Variants in ASTN2 observed in about 807,000 individuals in gnomAD.
ASTN2 encodes astrotactin 2, also known as astrotactin-2.
A neutral mutation model predicts 139.8 loss-of-function variants in ASTN2; 54 were observed. That is an observed-to-expected ratio of 0.39 (90% confidence interval 0.31 to 0.48). The LOEUF is 0.48. Ranked by LOEUF, ASTN2 falls within the 20% of genes least tolerant of loss-of-function variation. The pLI is 0.95. For synonymous variants in ASTN2, 756 were observed against 719.5 expected (o/e 1.05, Z -0.81); for missense variants, 1,565 against 1,725.1 (o/e 0.91, Z 1.64).
intron 19 of ASTN2, among the ~76,000 whole-genome samples, chr9:116,514,062 G>A (rs952222674): frequency 7.2e-5 from 11 of 151,932 alleles, no homozygotes; most frequent in African/African-American, 2.7e-4. Context: ...TTCCTTTGGA[G>A]GTGGAGAGGT....
intron 1 of ASTN2, among the ~76,000 whole-genome samples, chr9:117,319,548 C>A (rs551455831): frequency 7.9e-5 from 12 of 152,108 alleles, no homozygotes; most frequent in Non-Finnish European, 1.3e-4. Context: ...ATGCCTCAGC[C>A]TCCAGAGTAG....
chr9:117,156,876 G>A (rs931137051), intron 3 of ASTN2, among the ~76,000 whole-genome samples: 1 of 151,940 alleles, frequency 6.6e-6, no homozygotes, highest in Admixed American at 6.6e-5. Context: ...ATCTTAATTT[G>A]AAATGTCTTC....
chr9:116,808,277 TTG>T (rs10553571), intron 12 of ASTN2, among the ~76,000 whole-genome samples: 52,872 of 149,446 alleles, frequency 0.35, 9,167 homozygotes, highest in Middle Eastern at 0.53. Context: ...TAAATACATA[TTG>T]TGTGTGTGTG....
chr9:116,488,832 A>G (rs1384997520), intron 19 of ASTN2, among the ~76,000 whole-genome samples: 2 of 152,202 alleles, frequency 1.3e-5, no homozygotes, highest in African/African-American at 4.8e-5. Flanking sequence ...AATTATCTTC[A>G]ATAAACATAT....
At chr9:116,611,039 C>A (rs1855512354) in intron 19 of ASTN2, 1 of 151,922 alleles carries the variant, frequency 6.6e-6, no homozygotes, top group African/African-American at 2.4e-5. Context: ...ACCATCTAGA[C>A]CAAAAACTAG....
intron 19 of ASTN2, among the ~76,000 whole-genome samples, chr9:116,557,164 C>A (rs1685711742): frequency 7.6e-6 from 1 of 130,736 alleles, no homozygotes; most frequent in Non-Finnish European, 1.5e-5. Context: ...GTGGAACTTG[C>A]AGTGAGCTGA....
chr9:116,765,182 G>A (rs942232074), intron 13 of ASTN2, among the ~76,000 whole-genome samples: 5 of 152,242 alleles, frequency 3.3e-5, no homozygotes, highest in South Asian at 2.1e-4. Flanking sequence ...AGCATCATCC[G>A]ATATGGCAGA....
intron 2 of ASTN2, among the ~76,000 whole-genome samples, chr9:117,245,187 G>T (rs545349833): frequency 2.8e-4 from 42 of 152,304 alleles, no homozygotes; most frequent in African/African-American, 9.4e-4. Flanking sequence ...TAAGCTGTCT[G>T]TTCTGAAAGA....
chr9:116,469,602 G>A (rs1277608725), intron 20 of ASTN2, among the ~76,000 whole-genome samples: 1 of 152,122 alleles, frequency 6.6e-6, no homozygotes, highest in Non-Finnish European at 1.5e-5. Context: ...GAACCTTCAT[G>A]AGCCTTCATT....
chr9:116,634,468 T>C (rs1339798015), intron 17 of ASTN2, among the ~76,000 whole-genome samples: 1 of 151,564 alleles, frequency 6.6e-6, no homozygotes, highest in Non-Finnish European at 1.5e-5. Flanking sequence ...CGGGCGCCTG[T>C]AGTCCCAGCT....
rs114858033 is a variant in ASTN2, at chr9:116,619,406, A to G, written c.3206+904T>C. Among the ~76,000 whole-genome samples the G allele has an allele frequency of 7.0e-3, 1,067 of 152,036 alleles. 7 individuals are homozygous for G. Among genetic ancestry groups the G allele is most frequent in the African/African-American group, 0.024 (1,007 of 41,454 alleles). On this transcript the variant is annotated intron_variant, in intron 18 of 22. Coordinates refer to ENST00000313400, the MANE Select transcript of ASTN2 (RefSeq NM_001365068.1). ...ACCACTTGTTGCCTGGCTGGCATCT[A>G]CCCTATAGGTCTCTTCAGAGAGCTT... is the stretch of plus-strand genomic sequence containing the variant.
At chr9:117,030,894 T>A (rs1838228972) in intron 6 of ASTN2, among the ~76,000 whole-genome samples, 1 of 152,176 alleles carries the variant, frequency 6.6e-6, no homozygotes. Context: ...ACCAATTTCA[T>A]TACAGATCTC....
chr9:117,286,354 C>CTT (rs35094114), intron 2 of ASTN2, among the ~76,000 whole-genome samples: 47,469 of 135,684 alleles, frequency 0.35, 10,490 homozygotes, highest in East Asian at 0.56. Context: ...TTCCCACTTT[C>CTT]TTTTTTTTTT....
chr9:116,482,328 A>G lies in ASTN2; in HGVS notation c.3497+5031T>C, dbSNP rs961972832. On this transcript the variant is annotated intron_variant, in intron 20 of 22. Transcript: ENST00000313400. ...GTGACAGAGCAAGACTCCGTCTCAAAACAAAACAAAACAAAACAAAAAAAC... is the reference window on the plus strand; with the variant it reads ...GTGACAGAGCAAGACTCCGTCTCAAGACAAAACAAAACAAAACAAAAAAAC... Among the ~76,000 whole-genome samples, 5 of 152,126 alleles carry G rather than the reference A, an allele frequency of 3.3e-5. No homozygotes were observed. In the South Asian group the frequency reaches 1.0e-3, roughly 32 times the overall value.
At chr9:116,823,583 G>A (rs558994356) in intron 11 of ASTN2, among the ~76,000 whole-genome samples, 1 of 152,308 alleles carries the variant, frequency 6.6e-6, no homozygotes, top group East Asian at 1.9e-4. Flanking sequence ...CGAAGAACGT[G>A]AAGCCAGGCT....
chr9:117,141,539 T>C (rs1221527010), intron 3 of ASTN2, 61 bp from the exon 4 acceptor site: 16 of 1,312,436 alleles, frequency 1.2e-5, no homozygotes, highest in Non-Finnish European at 1.5e-5. Context: ...CCTAGAGCAC[T>C]GGGGCTGAAG....
At chr9:116,562,786 T>C (rs1033383429) in intron 19 of ASTN2, among the ~76,000 whole-genome samples, 2 of 142,742 alleles carry the variant, frequency 1.4e-5, no homozygotes, top group Admixed American at 7.1e-5. Context: ...GCAAAGGTTA[T>C]GCGTGATTTT....
intron 10 of ASTN2, among the ~76,000 whole-genome samples, chr9:116,877,711 G>A (rs980403259): frequency 3.3e-5 from 5 of 152,106 alleles, no homozygotes; most frequent in Admixed American, 1.3e-4. Flanking sequence ...GGAGAGCTGG[G>A]ATGATGTGTA....
At chr9:116,657,918 T>G (rs1858318177) in intron 16 of ASTN2, among the ~76,000 whole-genome samples, 1 of 150,884 alleles carries the variant, frequency 6.6e-6, no homozygotes, top group South Asian at 2.1e-4. Flanking sequence ...GATGGAGTCT[T>G]GCTGTATCAC....
Sources: gnomAD v4.1 joint callset for allele counts (sites outside exome capture counted in the v4.1 genomes callset) on GRCh38, gnomAD v4.1.1 for gene constraint, MANE v1.5 for transcripts, NCBI Gene and HGNC (gene_info 2026-07-23, HGNC 2026-07-21) for gene names.